CFAP97: variants seen among roughly 807,000 people sequenced by gnomAD.
CFAP97 encodes the protein cilia- and flagella-associated protein 97.
A neutral mutation model predicts 43.1 loss-of-function variants in CFAP97; 36 were observed. The observed-to-expected ratio is 0.84, with a 90% confidence interval of 0.64 to 1.10. CFAP97 has a LOEUF of 1.10. Ranked by LOEUF, CFAP97 falls within the 50% of genes least tolerant of loss-of-function variation. The pLI, the probability that CFAP97 is intolerant of heterozygous loss-of-function variation, is 0.00. For missense variants in CFAP97, 657 were observed against 620.3 expected (o/e 1.06, Z -0.63); for synonymous variants, 228 against 225.7 (o/e 1.01, Z -0.09).
At chr4:185,203,214 A>T (rs1157581132) in intron 1 of CFAP97, among the ~76,000 whole-genome samples, 1 of 152,094 alleles carries the variant, frequency 6.6e-6, no homozygotes, top group African/African-American at 2.4e-5. Flanking sequence ...AAATAAAAAT[A>T]AAAAAAAGAG....
intron 1 of CFAP97, among the ~76,000 whole-genome samples, chr4:185,203,066 G>A (rs936727110): frequency 6.6e-6 from 1 of 152,188 alleles, no homozygotes; most frequent in African/African-American, 2.4e-5. Flanking sequence ...GGAGGGGCAT[G>A]GCTCACGCCT....
At chr4:185,202,011 A>T (rs1407735686) in intron 1 of CFAP97, among the ~76,000 whole-genome samples, 1 of 147,416 alleles carries the variant, frequency 6.8e-6, no homozygotes, top group Non-Finnish European at 1.5e-5. Context: ...CTGCAGACCC[A>T]GCTAAAGGAA....
chr4:185,175,294 T>G (rs1735470734), intron 3 of CFAP97, among the ~76,000 whole-genome samples: 1 of 151,850 alleles, frequency 6.6e-6, no homozygotes, highest in African/African-American at 2.4e-5. Flanking sequence ...TGAGGTGGAG[T>G]CTGGTTCTGT....
intron 2 of CFAP97, chr4:185,182,200 G>A (rs986015008): frequency 3.3e-5 from 5 of 151,454 alleles, no homozygotes; most frequent in African/African-American, 1.2e-4. Context: ...TGTGGTCAAC[G>A]TCTTCAATGC....
intron 2 of CFAP97, among the ~76,000 whole-genome samples, chr4:185,181,713 C>T (rs1034309577): frequency 1.3e-5 from 2 of 152,204 alleles, no homozygotes; most frequent in African/African-American, 4.8e-5. Flanking sequence ...TTACATTCTT[C>T]AGCTATGAGT....
Position 185,190,140 on chromosome 4 carries a change from T to C in CFAP97, c.1054+3A>G. 6.5e-7 allele frequency: 1 copy of C among 1,537,324 alleles called. No homozygotes were observed. Among genetic ancestry groups the C allele is most frequent in the South Asian group, 1.2e-5 (1 of 80,588 alleles). ...CACATTTTTAAGAAGAAAAGAAAATTACCTTTCAAGAGATGATTCAGATCC... is the reference window on the plus strand; with the variant it reads ...CACATTTTTAAGAAGAAAAGAAAATCACCTTTCAAGAGATGATTCAGATCC... On this transcript the variant is annotated splice_donor_region_variant and intron_variant, in intron 2 of 4. Transcript: ENST00000458385.
chr4:185,200,824 G>C (rs979102863), intron 1 of CFAP97, among the ~76,000 whole-genome samples: 1 of 152,114 alleles, frequency 6.6e-6, no homozygotes, highest in Non-Finnish European at 1.5e-5. Flanking sequence ...AGATGTAACT[G>C]AATTGCTGCA....
chr4:185,194,682 T>C (rs544707415), intron 1 of CFAP97, among the ~76,000 whole-genome samples: 2 of 152,308 alleles, frequency 1.3e-5, no homozygotes, highest in African/African-American at 4.8e-5. Context: ...TGCATACCAC[T>C]GTGCCCAGCT....
chr4:185,177,256 AC>A (rs1296985761), intron 2 of CFAP97, among the ~76,000 whole-genome samples: 1 of 151,868 alleles, frequency 6.6e-6, no homozygotes, highest in African/African-American at 2.4e-5. Flanking sequence ...CTACTAAAAT[AC>A]AAAAAATTGG....
chr4:185,166,672 T>C (rs756961825), intron 3 of CFAP97, among the ~76,000 whole-genome samples: 3 of 152,132 alleles, frequency 2.0e-5, no homozygotes, highest in African/African-American at 2.4e-5. Flanking sequence ...ATTATCAAGT[T>C]TACATGCAGA....
intron 1 of CFAP97, among the ~76,000 whole-genome samples, chr4:185,198,440 C>T (rs1736655386): frequency 9.2e-6 from 1 of 108,554 alleles, no homozygotes; most frequent in African/African-American, 3.3e-5. Flanking sequence ...GAGACTCTGT[C>T]TTAAAAAAAA....
chr4:185,188,508 C>A (rs10027821), intron 2 of CFAP97, among the ~76,000 whole-genome samples: 76,296 of 151,826 alleles, frequency 0.5, 19,511 homozygotes, highest in African/African-American at 0.6. Flanking sequence ...ACGCTCGGCT[C>A]ATTTTTTGTA....
upstream of CFAP97, among the ~76,000 whole-genome samples, chr4:185,206,551 C>T (rs530350662): frequency 9.1e-4 from 135 of 148,568 alleles, no homozygotes; most frequent in South Asian, 1.5e-3. Flanking sequence ...CCCAGCTACT[C>T]GGGAGGCTGA....
intron 1 of CFAP97, among the ~76,000 whole-genome samples, chr4:185,198,992 T>G (rs1736692357): frequency 6.6e-6 from 1 of 152,172 alleles, no homozygotes; most frequent in Non-Finnish European, 1.5e-5. Flanking sequence ...GTCTCAACAC[T>G]TCAAAGAACA....
In CFAP97 at chr4:185,162,764, G is replaced by C. The variant is rs573901906; in HGVS notation, c.*34C>G. 1 of 1,603,560 alleles carries C rather than the reference G, an allele frequency of 6.2e-7. No homozygotes were observed. Among genetic ancestry groups the C allele is most frequent in the Admixed American group, 1.7e-5 (1 of 58,780 alleles). On this transcript the variant is annotated 3_prime_UTR_variant, in exon 5 of 5. Transcript: ENST00000458385. ...AATATGCACGAGCACTTCAAGAAAA[G>C]TTGTGTGAACAATGTTTAAAGTAAA...
chr4:185,191,372 G>C (rs1038705822), intron 1 of CFAP97, among the ~76,000 whole-genome samples, 160 bp from the exon 2 acceptor site: 3 of 152,194 alleles, frequency 2.0e-5, no homozygotes, highest in Admixed American at 6.5e-5. Context: ...GTGAAGTGAT[G>C]ATGGGGTTCT....
At chr4:185,195,760 C>T (rs1162754960) in intron 1 of CFAP97, among the ~76,000 whole-genome samples, 1 of 152,158 alleles carries the variant, frequency 6.6e-6, no homozygotes, top group African/African-American at 2.4e-5. Flanking sequence ...ATTTTGCCCA[C>T]TTGAATGTAA....
intron 2 of CFAP97, among the ~76,000 whole-genome samples, chr4:185,176,909 C>T (rs1178399332): frequency 1.3e-5 from 2 of 152,150 alleles, no homozygotes; most frequent in East Asian, 1.9e-4. Flanking sequence ...AATACTTCTA[C>T]TGTAAAAGTC....
rs76877344 is a variant in CFAP97 at position 185,191,239 on chromosome 4, T to A, written c.-16-27A>T. 1,699 of 1,399,536 alleles carry A rather than the reference T, an allele frequency of 1.2e-3. 10 individuals are homozygous for A. The African/African-American group carries it at 0.018, about 15-fold the overall frequency. The allele number at this position is 1,399,536 out of a possible 1,614,324, so 86.7% of individuals were successfully genotyped here. A position where few individuals can be genotyped will look rare whatever the true frequency, so the allele number is the denominator to read the frequency against. On this transcript the variant is annotated intron_variant, in intron 1 of 4. Transcript: ENST00000458385. Reference sequence around the variant, plus strand: ...TGAAAAAAAAATGTAAACATCAGACTAAAGAGTGATTTCCAAATACTTTCC... The same window carrying A: ...TGAAAAAAAAATGTAAACATCAGACAAAAGAGTGATTTCCAAATACTTTCC...
Sources: allele counts gnomAD v4.1 joint callset (sites outside exome capture counted in the v4.1 genomes callset), GRCh38; gene constraint gnomAD v4.1.1; transcripts MANE v1.5; gene names NCBI Gene and HGNC (gene_info 2026-07-23, HGNC 2026-07-21).